The following PGM1 variants were observed in gnomAD, a reference collection of about 807,000 sequenced individuals.
PGM1 encodes phosphoglucomutase 1, also known as phosphoglucomutase-1.
PGM1 carries 52 observed loss-of-function variants against 55.6 expected under a neutral mutation model. The ratio of observed to expected loss-of-function variants is 0.94; its 90% CI spans 0.75 to 1.18. PGM1 has a LOEUF of 1.18. Among genes scored for constraint, PGM1 ranks in the 50% most tolerant of loss-of-function variants. PGM1 has a pLI of 0.00. For synonymous variants in PGM1, 287 were observed against 271.7 expected (o/e 1.06, Z -0.55); for missense variants, 724 against 729.3 (o/e 0.99, Z 0.08).
At chr1:63,617,234 T>C (rs1289384782) in intron 1 of PGM1, among the ~76,000 whole-genome samples, 1 of 152,186 alleles carries the variant, frequency 6.6e-6, no homozygotes, top group Admixed American at 6.5e-5. Context: ...TTGCCTGTAC[T>C]GGACAGCAGG....
At chr1:63,620,651 A>G (rs957648647) in intron 1 of PGM1, among the ~76,000 whole-genome samples, 14 of 152,198 alleles carry the variant, frequency 9.2e-5, no homozygotes, top group South Asian at 8.3e-4. Flanking sequence ...GGTTTCTGCT[A>G]TGCTCTACTG....
intron 1 of PGM1, among the ~76,000 whole-genome samples, chr1:63,607,243 C>T (rs1648446984): frequency 6.6e-6 from 1 of 152,132 alleles, no homozygotes; most frequent in Non-Finnish European, 1.5e-5. Context: ...GGGGAAGTTC[C>T]ATTTACCAAG....
At chr1:63,633,888 G>C (rs924586309) in intron 4 of PGM1, among the ~76,000 whole-genome samples, 2,279 of 46,414 alleles carry the variant, frequency 0.049, 244 homozygotes, top group African/African-American at 0.12. Context: ...GTGTGTGTGT[G>C]TGTGTGTGTG....
intron 1 of PGM1, among the ~76,000 whole-genome samples, chr1:63,607,608 A>C (rs1245676375): frequency 6.6e-6 from 1 of 152,226 alleles, no homozygotes; most frequent in African/African-American, 2.4e-5. Flanking sequence ...TGTCAAAAAA[A>C]GGAGGCGACA....
chr1:63,597,468 GT>G, intron 1 of PGM1, among the ~76,000 whole-genome samples: 1 of 152,256 alleles, frequency 6.6e-6, no homozygotes, highest in South Asian at 2.1e-4. Context: ...TGTTTTGTTG[GT>G]ATTAGGACAC....
At chr1:63,653,796 C>T (rs1649884931) in intron 9 of PGM1, among the ~76,000 whole-genome samples, 1 of 152,176 alleles carries the variant, frequency 6.6e-6, no homozygotes, top group African/African-American at 2.4e-5. Flanking sequence ...CCACTGGCTC[C>T]TGCTTGTTAG....
chr1:63,630,032 T>C lies in PGM1; in HGVS notation c.500T>C (p.Leu167Pro), dbSNP rs774191633. The stretch of plus-strand genomic sequence containing the variant: ...GTTTGCCCTGACCTGAAAGTAGACC[T>C]TGGTGTTCTGGGAAAGCAGCAGTTT... ...YAVCPDLKVD[L>P]GVLGKQQFDL... is the part of the protein sequence containing the mutation. The change falls in exon 3 of 11, where the codon CTT becomes CCT. Residue 167 changes from leucine to proline, a missense_variant. By Grantham distance (98) the Leu-to-Pro change is moderately conservative. Transcript: ENST00000371084. The C allele has an allele frequency of 3.7e-6, 6 of 1,614,040 alleles. No homozygotes were observed. The South Asian group carries it at 6.6e-5, about 18-fold the overall frequency.
chr1:63,630,199 T>G (rs1246279995), intron 3 of PGM1, 111 bp downstream of exon 3: 2 of 1,089,134 alleles, frequency 1.8e-6, no homozygotes, highest in Non-Finnish European at 2.8e-6. Flanking sequence ...CCGTGAGTGC[T>G]CTGTAAGCTT....
chr1:63,639,427 C>T (rs1479498339), intron 7 of PGM1, among the ~76,000 whole-genome samples: 1 of 151,948 alleles, frequency 6.6e-6, no homozygotes. Flanking sequence ...AGACCTCACT[C>T]TCTGCGCTCT....
intron 1 of PGM1, among the ~76,000 whole-genome samples, chr1:63,605,902 G>A (rs1198225084): frequency 6.6e-6 from 1 of 152,204 alleles, no homozygotes; most frequent in Non-Finnish European, 1.5e-5. Context: ...AGCCTTCTCT[G>A]CTAAGCCTGC....
intron 1 of PGM1, among the ~76,000 whole-genome samples, chr1:63,624,014 C>T (rs1288052157): frequency 1.3e-5 from 2 of 152,184 alleles, no homozygotes; most frequent in Non-Finnish European, 2.9e-5. Flanking sequence ...GACAAAGTAC[C>T]TGTTGCTTTT....
chr1:63,623,840 AT>A, intron 1 of PGM1: 1 of 952,884 alleles, frequency 1.0e-6, no homozygotes, highest in Non-Finnish European at 1.6e-6. Context: ...ACGTACAAGG[AT>A]TTATATGTGG....
At chr1:63,648,452 C>CA in intron 7 of PGM1, 65 bp from the exon 8 acceptor site, 1 of 1,598,110 alleles carries the variant, frequency 6.3e-7, no homozygotes, top group African/African-American at 1.3e-5. Context: ...CAAACCATAT[C>CA]AAGTACCTTC....
At chr1:63,619,395 G>C (rs1648826523) in intron 1 of PGM1, among the ~76,000 whole-genome samples, 1 of 152,218 alleles carries the variant, frequency 6.6e-6, no homozygotes, top group African/African-American at 2.4e-5. Context: ...TGCTCAAACT[G>C]GGCCAAGAAC....
chr1:63,604,787 A>C (rs1182129650), intron 1 of PGM1, among the ~76,000 whole-genome samples: 3 of 152,078 alleles, frequency 2.0e-5, no homozygotes, highest in African/African-American at 7.2e-5. Context: ...GTCAGTACTC[A>C]GTGTTCATAG....
intron 1 of PGM1, among the ~76,000 whole-genome samples, chr1:63,617,943 TTTG>T (rs1648784175): frequency 6.6e-6 from 1 of 152,028 alleles, no homozygotes; most frequent in African/African-American, 2.4e-5. Flanking sequence ...AAGTCAAATA[TTTG>T]TTTTCTTTTA....
chr1:63,601,193 A>G (rs1648233677), intron 1 of PGM1, among the ~76,000 whole-genome samples: 1 of 152,180 alleles, frequency 6.6e-6, no homozygotes, highest in African/African-American at 2.4e-5. Context: ...ATCAGCCCTT[A>G]AGAGACTAGA....
At chr1:63,594,071 T>G (rs921324134) in intron 1 of PGM1, 27 of 1,063,514 alleles carry the variant, frequency 2.5e-5, no homozygotes, top group Non-Finnish European at 2.9e-5. Flanking sequence ...CCGAGGCGTC[T>G]GACATTTGCC....
At chr1:63,625,814 G>A (rs935363094) in intron 1 of PGM1, among the ~76,000 whole-genome samples, 3 of 151,884 alleles carry the variant, frequency 2.0e-5, no homozygotes, top group African/African-American at 4.8e-5. Context: ...TTTAAAGGAC[G>A]TTTTATTGCA....
Sources: gnomAD v4.1 joint callset for allele counts (sites outside exome capture counted in the v4.1 genomes callset) on GRCh38, gnomAD v4.1.1 for gene constraint, MANE v1.5 for transcripts, NCBI Gene and HGNC (gene_info 2026-07-23, HGNC 2026-07-21) for gene names.